Variants in EPAS1 observed in about 807,000 individuals in gnomAD.
EPAS1 encodes the protein endothelial PAS domain protein 1.
A neutral mutation model predicts 87.9 loss-of-function variants in EPAS1; 23 were observed. The ratio of observed to expected loss-of-function variants is 0.26; its 90% CI spans 0.19 to 0.37. The LOEUF is 0.37. EPAS1 is among the 10% of genes least tolerant of loss of function. The pLI is 1.00. For missense variants in EPAS1, 1,138 were observed against 1,120.7 expected (o/e 1.02, Z -0.22); for synonymous variants, 508 against 444.3 (o/e 1.14, Z -1.80).
At chr2:46,340,342 G>A (rs2104866117) in intron 1 of EPAS1, among the ~76,000 whole-genome samples, 1 of 152,298 alleles carries the variant, frequency 6.6e-6, no homozygotes, top group East Asian at 1.9e-4. Flanking sequence ...CTCTGCTCCA[G>A]GGACACAGAC....
chr2:46,305,176 C>G (rs1192312337), intron 1 of EPAS1, among the ~76,000 whole-genome samples: 2 of 152,132 alleles, frequency 1.3e-5, no homozygotes, highest in Non-Finnish European at 2.9e-5. Context: ...CTTGTCTGTT[C>G]CCACTGTTGG....
chr2:46,338,088 C>T (rs1021188305), intron 1 of EPAS1, among the ~76,000 whole-genome samples: 3 of 152,160 alleles, frequency 2.0e-5, no homozygotes, highest in Non-Finnish European at 2.9e-5. Context: ...GAGGGACTTG[C>T]TTATTGGCCT....
chr2:46,341,171 T>G (rs1038706473), intron 1 of EPAS1, among the ~76,000 whole-genome samples: 4 of 152,216 alleles, frequency 2.6e-5, no homozygotes, highest in African/African-American at 9.6e-5. Context: ...GTCACTCCTT[T>G]GGAATGGCCC....
chr2:46,307,978 C>T (rs1683139819), intron 1 of EPAS1, among the ~76,000 whole-genome samples: 1 of 152,160 alleles, frequency 6.6e-6, no homozygotes, highest in Admixed American at 6.5e-5. Flanking sequence ...TAGTTTTCTT[C>T]CCAAGGGCAG....
At chr2:46,337,148 T>C (rs1683810773) in intron 1 of EPAS1, among the ~76,000 whole-genome samples, 1 of 152,252 alleles carries the variant, frequency 6.6e-6, no homozygotes, top group South Asian at 2.1e-4. Flanking sequence ...TTTGTACTAC[T>C]GATGCTTTAG....
At chr2:46,311,758 T>C (rs904174238) in intron 1 of EPAS1, among the ~76,000 whole-genome samples, 30 of 152,202 alleles carry the variant, frequency 2.0e-4, no homozygotes, top group African/African-American at 6.3e-4. Flanking sequence ...CAAGTACTTT[T>C]CCCCACCTTG....
chr2:46,382,361 G>A (rs1313575422), intron 14 of EPAS1, 64 bp from the exon 15 acceptor site: 9 of 1,597,920 alleles, frequency 5.6e-6, no homozygotes, highest in Non-Finnish European at 3.4e-6. Flanking sequence ...GGATGCTAGG[G>A]CTTCCTGGCC....
chr2:46,326,308 A>C (rs1192976727), intron 1 of EPAS1, among the ~76,000 whole-genome samples: 1 of 152,208 alleles, frequency 6.6e-6, no homozygotes, highest in Non-Finnish European at 1.5e-5. Flanking sequence ...TCGACTATCA[A>C]GATTTCCTGG....
intron 6 of EPAS1, among the ~76,000 whole-genome samples, chr2:46,367,474 C>A (rs1684526398): frequency 1.3e-5 from 2 of 152,364 alleles, no homozygotes; most frequent in South Asian, 4.1e-4. Flanking sequence ...AGTCATCCGA[C>A]CCAGCAGCGA....
At chr2:46,318,914 A>G (rs1396102838) in intron 1 of EPAS1, among the ~76,000 whole-genome samples, 1 of 152,204 alleles carries the variant, frequency 6.6e-6, no homozygotes, top group Non-Finnish European at 1.5e-5. Context: ...GATTTAATAC[A>G]TAGTTGTATT....
intron 8 of EPAS1, 118 bp from the exon 9 acceptor site, chr2:46,376,421 C>T: frequency 2.1e-6 from 2 of 951,920 alleles, no homozygotes; most frequent in African/African-American, 1.6e-5. Flanking sequence ...ACGCCAATGC[C>T]TGGAGTCCTA....
At chr2:46,383,409 GGTTT>G (rs1452376552) in intron 15 of EPAS1, among the ~76,000 whole-genome samples, 1 of 152,236 alleles carries the variant, frequency 6.6e-6, no homozygotes, top group Non-Finnish European at 1.5e-5. Flanking sequence ...GTCTTCATGA[GGTTT>G]GTTTGGCCTG....
intron 1 of EPAS1, among the ~76,000 whole-genome samples, chr2:46,313,124 T>C (rs1683246008): frequency 6.6e-6 from 1 of 152,208 alleles, no homozygotes; most frequent in African/African-American, 2.4e-5. Flanking sequence ...ACCTAAAAGA[T>C]ACCTTGTCCT....
At chr2:46,326,404 A>G (rs755540862) in intron 1 of EPAS1, among the ~76,000 whole-genome samples, 1 of 152,164 alleles carries the variant, frequency 6.6e-6, no homozygotes, top group Non-Finnish European at 1.5e-5. Context: ...ATAGGTGCAG[A>G]GAGGAGTGGC....
At chr2:46,382,717 T>C in intron 15 of EPAS1, 119 bp downstream of exon 15, 1 of 1,349,846 alleles carries the variant, frequency 7.4e-7, no homozygotes, top group Non-Finnish European at 1.0e-6. Context: ...TGACTTGAAG[T>C]CACCTATACA....
chr2:46,350,658 T>C lies in EPAS1; in HGVS notation c.217+3595T>C, dbSNP rs569774785. 4.3e-4 allele frequency among the ~76,000 whole-genome samples: 65 copies of C among 152,328 alleles called. 1 individual carries two copies. In the East Asian group the frequency reaches 9.1e-3, roughly 21 times the overall value. On this transcript the variant is annotated intron_variant, in intron 2 of 15. Transcript: ENST00000263734. ...ATGAGCCCCACAAACCATGAGCGAATCAGGGTCAACTCTGCATTCTGAGGG... is the reference window on the plus strand; with the variant it reads ...ATGAGCCCCACAAACCATGAGCGAACCAGGGTCAACTCTGCATTCTGAGGG...
intron 7 of EPAS1, among the ~76,000 whole-genome samples, chr2:46,370,805 C>CA (rs1684612978): frequency 6.6e-6 from 1 of 152,220 alleles, no homozygotes; most frequent in African/African-American, 2.4e-5. Flanking sequence ...TTCCTATAGG[C>CA]AGGTGATCCA....
At position 46,346,849 on chromosome 2, in the gene EPAS1, A is replaced by G. The variant is rs753379617; in HGVS notation, c.27-24A>G. The G allele has an allele frequency of 7.4e-6, 12 of 1,613,670 alleles. No homozygotes were observed. The East Asian group carries it at 2.7e-4, about 36-fold the overall frequency. ...ATAGGCTGACAGTAACCTTTCCGGG[A>G]CTAACCCCTTCTTCTCCACTTAGGA... On this transcript the variant is annotated intron_variant, in intron 1 of 15. Transcript: ENST00000263734. The surrounding 1 kb of genome is among the most constrained non-coding windows in gnomAD (Gnocchi z 4.0).
At chr2:46,310,669 A>T (rs59042299) in intron 1 of EPAS1, among the ~76,000 whole-genome samples, 2 of 152,204 alleles carry the variant, frequency 1.3e-5, no homozygotes, top group Admixed American at 6.5e-5. Context: ...GGAATTTAGA[A>T]ACACTTAAAG....
Sources: gnomAD v4.1 joint callset for allele counts (sites outside exome capture counted in the v4.1 genomes callset) on GRCh38, gnomAD v4.1.1 for gene constraint, Gnocchi (gnomAD v3.1) non-coding constraint, MANE v1.5 for transcripts, NCBI Gene and HGNC (gene_info 2026-07-23, HGNC 2026-07-21) for gene names.